XPR1: variants seen among roughly 807,000 people sequenced by gnomAD.
The protein encoded by XPR1 is xenotropic and polytropic retrovirus receptor 1, also known as solute carrier family 53 member 1.
XPR1 carries 28 observed loss-of-function variants against 87.5 expected under a neutral mutation model. The observed-to-expected ratio is 0.32, with a 90% CI of 0.24 to 0.44. The LOEUF (loss-of-function observed/expected upper bound fraction) is 0.44. XPR1 is among the 20% of genes least tolerant of loss of function. The pLI, the probability that XPR1 is intolerant of heterozygous loss-of-function variation, is 1.00. For synonymous variants in XPR1, 300 were observed against 306.1 expected, an observed-to-expected ratio of 0.98 and a Z score of 0.21; for missense variants, 559 against 862.3, an observed-to-expected ratio of 0.65 and a Z score of 4.41.
At chr1:180,797,457 G>C (rs1649628931) in intron 3 of XPR1, among the ~76,000 whole-genome samples, 1 of 152,174 alleles carries the variant, frequency 6.6e-6, no homozygotes, top group South Asian at 2.1e-4. Flanking sequence ...TTTGTGTCTT[G>C]ACTTATTGTT....
intron 1 of XPR1, among the ~76,000 whole-genome samples, chr1:180,653,974 A>T (rs1655370981): frequency 6.6e-6 from 1 of 152,186 alleles, no homozygotes; most frequent in South Asian, 2.1e-4. Flanking sequence ...GGTAACTGAA[A>T]CTGAGGAAAG....
chr1:180,793,818 C>T (rs1316457066), intron 3 of XPR1, among the ~76,000 whole-genome samples: 1 of 152,040 alleles, frequency 6.6e-6, no homozygotes, highest in Non-Finnish European at 1.5e-5. Context: ...TAAAAACAAG[C>T]CACGTGAAAA....
intron 2 of XPR1, among the ~76,000 whole-genome samples, chr1:180,685,518 A>T (rs1219647409): frequency 6.6e-6 from 1 of 151,992 alleles, no homozygotes; most frequent in Non-Finnish European, 1.5e-5. Context: ...GTTAGGGAGG[A>T]TTCCCTCTTT....
chr1:180,810,519 C>T (rs1241301978), intron 6 of XPR1, among the ~76,000 whole-genome samples: 2 of 151,640 alleles, frequency 1.3e-5, no homozygotes, highest in Admixed American at 1.3e-4. Flanking sequence ...GTTGAGGCTT[C>T]AGTAAGCTGT....
intron 2 of XPR1, among the ~76,000 whole-genome samples, chr1:180,701,596 A>G (rs910617951): frequency 7.2e-6 from 1 of 139,132 alleles, no homozygotes; most frequent in African/African-American, 3.0e-5. Context: ...AAGCTTTTTG[A>G]TGTGCTGCTG....
Position 180,632,140 on chromosome 1 carries a change from C to T in XPR1, c.-62C>T, listed in dbSNP as rs1175310408. 3 of 1,558,450 alleles carry T rather than the reference C, an allele frequency of 1.9e-6. No individual in the cohort carries two copies. The highest frequency in any genetic ancestry group is 2.6e-6 in the Non-Finnish European group (3 of 1,149,716). On this transcript the variant is annotated 5_prime_UTR_variant, in exon 1 of 15. Coordinates refer to ENST00000367590, the MANE Select transcript of XPR1 (RefSeq NM_004736.4). ...GGCCCATGTGGGGAGGAGTCGGAGT[C>T]GCTGTTGCCGCCGCCGCCTGTAGCT...
chr1:180,817,710 A>G (rs572815717), intron 7 of XPR1, among the ~76,000 whole-genome samples: 1 of 152,352 alleles, frequency 6.6e-6, no homozygotes, highest in Non-Finnish European at 1.5e-5. Flanking sequence ...GCCAGACACA[A>G]AGAATACATA....
At chr1:180,833,732 T>C (rs1001803677) in intron 9 of XPR1, among the ~76,000 whole-genome samples, 5 of 152,210 alleles carry the variant, frequency 3.3e-5, no homozygotes, top group East Asian at 3.8e-4. Flanking sequence ...AGTACAAATA[T>C]GAATACATTA....
chr1:180,639,325 A>G (rs1229513259), intron 1 of XPR1, among the ~76,000 whole-genome samples: 1 of 152,024 alleles, frequency 6.6e-6, no homozygotes, highest in Admixed American at 6.6e-5. Context: ...TTTATTTGCT[A>G]GGGAGTCAAA....
intron 2 of XPR1, among the ~76,000 whole-genome samples, chr1:180,712,402 C>G (rs527677703): frequency 4.6e-5 from 7 of 152,346 alleles, no homozygotes; most frequent in African/African-American, 1.4e-4. Flanking sequence ...GAAAAAATCC[C>G]TATGAATTGT....
Position 180,887,295 on chromosome 1 carries a change from G to T in XPR1, c.*3229G>T, listed in dbSNP as rs1653045391. ...TAGTTTTATTTTGGAGAATCACTCA[G>T]TTTTTAATATCAATTAAAATAGTCC... On this transcript the variant is annotated 3_prime_UTR_variant, in exon 15 of 15. Coordinates refer to ENST00000367590, the MANE Select transcript of XPR1 (RefSeq NM_004736.4). 6.6e-6 allele frequency: 1 copy of T among 152,334 alleles called. No homozygotes were observed. The highest frequency in any genetic ancestry group is 1.5e-5 in the Non-Finnish European group (1 of 68,020). 9.4% of individuals were successfully genotyped at this position (152,334 alleles called of 1,614,324 possible).
chr1:180,838,034 C>A (rs1651365646), intron 11 of XPR1, among the ~76,000 whole-genome samples: 1 of 152,120 alleles, frequency 6.6e-6, no homozygotes, highest in Non-Finnish European at 1.5e-5. Context: ...CAACCTCTCA[C>A]ACAGTTGAAA....
intron 1 of XPR1, among the ~76,000 whole-genome samples, chr1:180,666,555 G>A (rs1655968821): frequency 6.6e-6 from 1 of 152,134 alleles, no homozygotes; most frequent in Admixed American, 6.5e-5. Context: ...ATTGTTAAAT[G>A]GAATTGCTGT....
At position 180,824,761 on chromosome 1, in the gene XPR1, A is replaced by G; in HGVS notation, c.772A>G (p.Lys258Glu). 1 of 1,607,684 alleles carries G rather than the reference A, an allele frequency of 6.2e-7. No individual in the cohort carries two copies. The change falls in exon 8 of 15, where the codon AAA becomes GAA. Residue 258 changes from lysine to glutamate, a missense_variant. By Grantham distance (56) the Lys-to-Glu change is moderately conservative (BLOSUM62 1). Coordinates refer to ENST00000367590, the MANE Select transcript of XPR1 (RefSeq NM_004736.4). Reference sequence around the variant, plus strand: ...TCTTAATATTCTTTCAGCTGTATTTAAACTTGAAACAGATAGAAGTATATG... The same window carrying G: ...TCTTAATATTCTTTCAGCTGTATTTGAACTTGAAACAGATAGAAGTATATG... Reference protein sequence around the residue: ...NITLVLAAVFKLETDRSIWPL... With the variant: ...NITLVLAAVFELETDRSIWPL...
chr1:180,664,844 C>T (rs1655905003), intron 1 of XPR1, among the ~76,000 whole-genome samples: 1 of 152,136 alleles, frequency 6.6e-6, no homozygotes, highest in African/African-American at 2.4e-5. Flanking sequence ...TGAAACTGTT[C>T]TACCTCAGAT....
intron 12 of XPR1, among the ~76,000 whole-genome samples, chr1:180,864,936 T>G (rs2102209455): frequency 6.6e-6 from 1 of 152,334 alleles, no homozygotes; most frequent in East Asian, 1.9e-4. Flanking sequence ...TCTCTTGATC[T>G]TTTCCCAGTC....
At chr1:180,806,636 TAAAA>T in intron 6 of XPR1, 79 bp downstream of exon 6, 1 of 1,343,068 alleles carries the variant, frequency 7.4e-7, no homozygotes, top group Non-Finnish European at 1.0e-6. Flanking sequence ...CCCATTATCT[TAAAA>T]AAATTTTCAG....
chr1:180,725,235 G>GA (rs1658298478), intron 2 of XPR1, among the ~76,000 whole-genome samples: 1 of 152,136 alleles, frequency 6.6e-6, no homozygotes, highest in African/African-American at 2.4e-5. Context: ...ATACATCCTG[G>GA]AATAATGTGC....
chr1:180,698,082 G>A (rs973443738), intron 2 of XPR1, among the ~76,000 whole-genome samples: 1 of 152,066 alleles, frequency 6.6e-6, no homozygotes, highest in Non-Finnish European at 1.5e-5. Flanking sequence ...TCTTTCTTTA[G>A]ATCTAGCATT....
Sources: allele counts gnomAD v4.1 joint callset (sites outside exome capture counted in the v4.1 genomes callset), GRCh38; gene constraint gnomAD v4.1.1; transcripts MANE v1.5; gene names NCBI Gene and HGNC (gene_info 2026-07-23, HGNC 2026-07-21).